ERMARD: variants seen among roughly 807,000 people sequenced by gnomAD.
The protein encoded by ERMARD is ER membrane associated RNA degradation.
Under a neutral mutation model 83.9 loss-of-function variants are expected in ERMARD, and 71 were observed. That is an observed-to-expected ratio of 0.85 (90% CI 0.70 to 1.03). The LOEUF (loss-of-function observed/expected upper bound fraction) is 1.03, where lower values mean the gene tolerates loss of function less well. ERMARD is among the 50% of genes least tolerant of loss of function. The pLI, the probability that ERMARD is intolerant of heterozygous loss-of-function variation, is 0.00. For missense variants in ERMARD, 838 were observed against 810.9 expected (o/e 1.03, Z -0.41); for synonymous variants, 284 against 298.6 (o/e 0.95, Z 0.50).
At chr6:169,760,118 A>C in intron 7 of ERMARD, 144 bp downstream of exon 7, 2 of 1,432,752 alleles carry the variant, frequency 1.4e-6, no homozygotes, top group East Asian at 2.4e-5. Context: ...TGCTTGAAGA[A>C]CCTCCTACAT....
chr6:169,763,575 G>T lies in ERMARD; in HGVS notation c.960+1044G>T, dbSNP rs536307686. On this transcript the variant is annotated intron_variant, in intron 9 of 17. Coordinates refer to ENST00000366773, the MANE Select transcript of ERMARD (RefSeq NM_018341.3). ...CCCACGGGACGATCTGTTGTGGAGG[G>T]AGGGCAGGTGCAGCCGCTCCACACC... Among the ~76,000 whole-genome samples, 5 of 152,348 alleles carry T rather than the reference G, an allele frequency of 3.3e-5. No homozygotes were observed. The South Asian group carries it at 1.0e-3, about 32-fold the overall frequency.
chr6:169,751,337 A>G (rs1455763851), upstream of ERMARD: 1 of 1,613,538 alleles, frequency 6.2e-7, no homozygotes, highest in African/African-American at 1.3e-5. Context: ...CTCCGCACTC[A>G]CTGCCTCCTT....
At chr6:169,760,859 G>A (rs1791463294) in intron 8 of ERMARD, 103 bp downstream of exon 8, 1 of 774,144 alleles carries the variant, frequency 1.3e-6, no homozygotes, top group African/African-American at 1.8e-5. Context: ...TAGAAGTGAA[G>A]AGAACCTGGA....
chr6:169,755,235 A>T lies in ERMARD; in HGVS notation c.176-48A>T, dbSNP rs6459658. Reference sequence around the variant, plus strand: ...TTTGATGATGTAGATATTTTATATCATGTGATATGGAGCTATGGTGCTGAA... The same window carrying T: ...TTTGATGATGTAGATATTTTATATCTTGTGATATGGAGCTATGGTGCTGAA... On this transcript the variant is annotated intron_variant, in intron 2 of 17. Transcript: ENST00000366773. 368,774 of 1,566,452 alleles carry T rather than the reference A, an allele frequency of 0.24. 45,415 individuals carry two copies. The highest frequency in any genetic ancestry group is 0.41 in the African/African-American group (29,384 of 72,452).
chr6:169,755,199 G>T, intron 2 of ERMARD, 84 bp from the exon 3 acceptor site: 2 of 1,473,692 alleles, frequency 1.4e-6, no homozygotes, highest in Non-Finnish European at 1.8e-6. Context: ...TATAATTAAA[G>T]CATTTTTTTC....
At chr6:169,777,547 C>T (rs1047842442) in intron 16 of ERMARD, among the ~76,000 whole-genome samples, 1 of 152,156 alleles carries the variant, frequency 6.6e-6, no homozygotes, top group African/African-American at 2.4e-5. Flanking sequence ...GTTCCCACAG[C>T]ATGTTTCTGG....
In ERMARD at chr6:169,781,425, C is replaced by G; in HGVS notation, c.1949C>G (p.Thr650Arg). 1 of 1,612,940 alleles carries G rather than the reference C, an allele frequency of 6.2e-7. No individual in the cohort carries two copies. Among genetic ancestry groups the G allele is most frequent in the Non-Finnish European group, 8.5e-7 (1 of 1,179,656 alleles). Residue 650 changes from threonine to arginine, a missense_variant, in exon 18 of 18, where the codon ACA (threonine) becomes AGA (arginine). Physicochemically the swap from Thr to Arg is moderately conservative, Grantham distance 71. Transcript: ENST00000366773. Reference sequence around the variant, plus strand: ...AATGAAACTATCAATCTTACACATACAGCTTTGTTGAAAATGTGGACTTTT... The same window carrying G: ...AATGAAACTATCAATCTTACACATAGAGCTTTGTTGAAAATGTGGACTTTT... ...KWNETINLTHTALLKMWTFSE... is the reference protein window; with the variant it reads ...KWNETINLTHRALLKMWTFSE...
chr6:169,776,521 G>A lies in ERMARD; in HGVS notation c.1587G>A (p.Val529=). ...PVPTLFCPRI[V]LEVLVVLRSI... ...CCACCCTGTTCTGCCCCAGGATTGT[G>A]CTGGAAGTGCTGGTTGTGCTCCGAA... The change falls in exon 16 of 18, where the codon GTG becomes GTA. Residue 529 remains valine (V), a synonymous_variant. Transcript: ENST00000366773. The A allele has an allele frequency of 6.2e-7, 1 of 1,614,180 alleles. No individual in the cohort carries two copies. The highest frequency in any genetic ancestry group is 8.5e-7 in the Non-Finnish European group (1 of 1,180,026).
chr6:169,755,411 A>G lies in ERMARD; in HGVS notation c.304A>G (p.Ser102Gly), dbSNP rs1185823801. 8 of 1,614,016 alleles carry G rather than the reference A, an allele frequency of 5.0e-6. No individual in the cohort carries two copies. The highest frequency in any genetic ancestry group is 2.2e-5 in the East Asian group (1 of 44,880). ...ATATGCACCGTGGTTCCAGTGGACA[A>G]GTTTTCCAGAGGTTTGGCTTTTGAA... ...IRYAPWFQWT[S>G]FPELFPEIFD... The change falls in exon 3 of 18, where the codon AGT becomes GGT. Residue 102 changes from serine (S) to glycine (G), a missense_variant. By Grantham distance (56) the Ser-to-Gly change is moderately conservative. Transcript: ENST00000366773.
chr6:169,767,398 T>C (rs1197522081), intron 10 of ERMARD: 2 of 152,470 alleles, frequency 1.3e-5, no homozygotes, highest in Non-Finnish European at 1.5e-5. Flanking sequence ...ATCTGTGGGA[T>C]TGGTTGGGGT....
At chr6:169,753,634 A>C (rs1790438870) in intron 1 of ERMARD, among the ~76,000 whole-genome samples, 2 of 152,056 alleles carry the variant, frequency 1.3e-5, no homozygotes, top group South Asian at 4.1e-4. Flanking sequence ...AAATATTATG[A>C]TTGATAATTT....
Position 169,779,251 on chromosome 6 carries a change from T to G in ERMARD, c.1809T>G (p.His603Gln). ...TTGCGCTGGAGTTGGTCAACATTCA[T>G]GCTGTTTGTGGGAAGAATGCGCATG... The part of the protein sequence containing the change: ...LLIALELVNI[H>Q]AVCGKNAHEY... Residue 603 changes from histidine to glutamine, a missense_variant, in exon 17 of 18, where the codon CAT (histidine) becomes CAG (glutamine). His to Gln is a conservative substitution (Grantham distance 24). Transcript: ENST00000366773. The G allele has an allele frequency of 6.2e-7, 1 of 1,614,226 alleles. No individual in the cohort carries two copies. The highest frequency in any genetic ancestry group is 8.5e-7 in the Non-Finnish European group (1 of 1,180,036).
At chr6:169,751,563 G>T (rs925376351), upstream of ERMARD, 6 of 1,609,316 alleles carry the variant, frequency 3.7e-6, 1 homozygote, top group African/African-American at 2.7e-5. Flanking sequence ...CGCCTCGTAC[G>T]GTAGGAAGTG....
chr6:169,760,288 C>A (rs1305274901), intron 7 of ERMARD, among the ~76,000 whole-genome samples: 2 of 152,174 alleles, frequency 1.3e-5, no homozygotes, highest in Non-Finnish European at 2.9e-5. Flanking sequence ...CCTCCTTTTA[C>A]CTCTTGTGTC....
chr6:169,775,706 C>T (rs1000426095), intron 14 of ERMARD, among the ~76,000 whole-genome samples: 6 of 152,234 alleles, frequency 3.9e-5, no homozygotes, highest in Admixed American at 6.5e-5. Flanking sequence ...CCTTGTTCAG[C>T]AGGAAGAATA....
chr6:169,779,113 C>T (rs891032107), intron 16 of ERMARD, 69 bp from the exon 17 acceptor site: 107 of 1,348,852 alleles, frequency 7.9e-5, no homozygotes, highest in Non-Finnish European at 1.1e-4. Flanking sequence ...GGTGAAACAT[C>T]TTTTTCCTGA....
chr6:169,751,513 C>A, upstream of ERMARD: 2 of 1,608,130 alleles, frequency 1.2e-6, no homozygotes, highest in African/African-American at 1.3e-5. Flanking sequence ...GGCGGTCAAA[C>A]GCCCTAGCCA....
intron 5 of ERMARD, 70 bp downstream of exon 5, chr6:169,756,878 A>G: frequency 7.3e-7 from 1 of 1,370,020 alleles, no homozygotes; most frequent in East Asian, 2.3e-5. Context: ...GACATACCCA[A>G]GACTAGGAAG....
rs1792430155 is a variant in ERMARD at position 169,767,974 on chromosome 6, T to C, written c.991-129T>C. ...CACCTGTTTGCTGAATTTTAAAGAC[T>C]GTCCATTTAATTTGCTTAGACCTTA... On this transcript the variant is annotated intron_variant, in intron 10 of 17. Coordinates refer to ENST00000366773, the MANE Select transcript of ERMARD (RefSeq NM_018341.3). 7.3e-6 allele frequency: 5 copies of C among 684,254 alleles called. No homozygotes were observed. The East Asian group carries it at 8.1e-5, about 11-fold the overall frequency. 42.4% of individuals were successfully genotyped at this position (684,254 alleles called of 1,614,324 possible).
Sources: gnomAD v4.1 joint callset for allele counts (sites outside exome capture counted in the v4.1 genomes callset) on GRCh38, gnomAD v4.1.1 for gene constraint, MANE v1.5 for transcripts, NCBI Gene and HGNC (gene_info 2026-07-23, HGNC 2026-07-21) for gene names.